DMXL1: variants seen among roughly 807,000 people sequenced by gnomAD.
DMXL1 encodes the protein Dmx like 1, also known as dmX-like protein 1.
A neutral mutation model predicts 319.2 loss-of-function variants in DMXL1; 99 were observed. That is an observed-to-expected ratio of 0.31 (90% confidence interval 0.26 to 0.37). The LOEUF is 0.37. DMXL1 is among the 10% of genes least tolerant of loss of function. The probability of loss-of-function intolerance (pLI) is 1.00; values close to 1 mark genes in which losing one functional copy is unlikely to be tolerated. For synonymous variants in DMXL1, 1,385 were observed against 1,235.2 expected (o/e 1.12, Z -2.54); for missense variants, 3,745 against 3,595.6 (o/e 1.04, Z -1.06).
chr5:119,078,061 G>A (rs1313610889), intron 1 of DMXL1, among the ~76,000 whole-genome samples: 1 of 151,870 alleles, frequency 6.6e-6, no homozygotes, highest in Non-Finnish European at 1.5e-5. Context: ...TTAAAATCAG[G>A]TAGACGGATT....
At position 119,244,682 on chromosome 5, in the gene DMXL1, T is replaced by C. The variant is rs990269795; in HGVS notation, c.8922+106T>C. ...TCTATTTAAATAATAGTTATATTAA[T>C]TCCTTTGTAGTCAGCAGTGCTAATT... On this transcript the variant is annotated intron_variant, in intron 43 of 43. Transcript: ENST00000539542. The C allele has an allele frequency of 3.9e-6, 3 of 770,804 alleles. No individual in the cohort carries two copies. The African/African-American group carries it at 5.3e-5, about 14-fold the overall frequency. The allele number at this position is 770,804 out of a possible 1,614,324, so 47.7% of individuals were successfully genotyped here. A position where few individuals can be genotyped will look rare whatever the true frequency, so the allele number is the denominator to read the frequency against.
chr5:119,114,811 GC>G (rs1760469468), intron 6 of DMXL1, among the ~76,000 whole-genome samples: 1 of 152,064 alleles, frequency 6.6e-6, no homozygotes. Flanking sequence ...TGGGACTATA[GC>G]CCCACACCAC....
intron 19 of DMXL1, among the ~76,000 whole-genome samples, chr5:119,160,005 CCT>C (rs1277996388): frequency 2.0e-5 from 3 of 151,928 alleles, no homozygotes; most frequent in African/African-American, 4.8e-5. Context: ...GTTTTTTTCC[CCT>C]GTCATTTTTC....
chr5:119,154,966 T>C (rs1329536108), intron 19 of DMXL1, among the ~76,000 whole-genome samples: 3 of 152,264 alleles, frequency 2.0e-5, no homozygotes, highest in Non-Finnish European at 2.9e-5. Flanking sequence ...GCCTGCGCTC[T>C]ACACATGGAA....
At chr5:119,111,336 T>A (rs1759546363) in intron 5 of DMXL1, among the ~76,000 whole-genome samples, 1 of 152,238 alleles carries the variant, frequency 6.6e-6, no homozygotes, top group Non-Finnish European at 1.5e-5. Flanking sequence ...TGAGATGTGC[T>A]GGACTTCAAA....
At chr5:119,141,512 A>G (rs1767335560) in intron 13 of DMXL1, among the ~76,000 whole-genome samples, 1 of 152,180 alleles carries the variant, frequency 6.6e-6, no homozygotes, top group African/African-American at 2.4e-5. Context: ...ACTGCCACAA[A>G]AAGAATAAAA....
intron 38 of DMXL1, among the ~76,000 whole-genome samples, chr5:119,228,309 C>T (rs1449600058): frequency 6.6e-6 from 1 of 152,158 alleles, no homozygotes; most frequent in Non-Finnish European, 1.5e-5. Context: ...CAGTGAAGAT[C>T]AGGAGAAACA....
In DMXL1 at chr5:119,203,807, T is replaced by A. The variant is rs546159938; in HGVS notation, c.7863+371T>A. ...GAAGTTTAATTGTATACTGAAAATT[T>A]TTTATTTATTTATTTATTTATTTTT... On this transcript the variant is annotated intron_variant, in intron 33 of 43. Coordinates refer to ENST00000539542, the MANE Select transcript of DMXL1 (RefSeq NM_001290321.3). Among the ~76,000 whole-genome samples the A allele has an allele frequency of 2.9e-3, 447 of 152,104 alleles. 3 individuals are homozygous for A. The highest frequency in any genetic ancestry group is 9.8e-3 in the African/African-American group (408 of 41,520).
At chr5:119,095,415 G>T (rs181492888) in intron 1 of DMXL1, among the ~76,000 whole-genome samples, 1 of 152,170 alleles carries the variant, frequency 6.6e-6, no homozygotes, top group Admixed American at 6.5e-5. Context: ...TGTAATATTT[G>T]TATTAAGTAG....
At chr5:119,134,501 T>C (rs1765572585) in intron 13 of DMXL1, 112 bp downstream of exon 13, 1 of 938,154 alleles carries the variant, frequency 1.1e-6, no homozygotes, top group Non-Finnish European at 1.5e-6. Context: ...TAAGCATTTG[T>C]ATCTTTGTTT....
At chr5:119,219,632 A>G (rs549649982) in intron 35 of DMXL1, among the ~76,000 whole-genome samples, 277 of 151,984 alleles carry the variant, frequency 1.8e-3, no homozygotes, top group African/African-American at 6.4e-3. Context: ...CTGTGGTGCA[A>G]TGTCAGCTCA....
intron 37 of DMXL1, among the ~76,000 whole-genome samples, chr5:119,222,230 T>C (rs1784773079): frequency 6.6e-6 from 1 of 152,180 alleles, no homozygotes; most frequent in African/African-American, 2.4e-5. Context: ...CAGATGAAGC[T>C]TGAGATCCAA....
chr5:119,202,085 ATT>A (rs1277187158), intron 32 of DMXL1, among the ~76,000 whole-genome samples: 1 of 151,732 alleles, frequency 6.6e-6, no homozygotes, highest in Non-Finnish European at 1.5e-5. Context: ...CAGCTTTGAT[ATT>A]TGTTATTTTT....
intron 39 of DMXL1, chr5:119,236,176 G>T (rs1787721052): frequency 6.6e-6 from 1 of 152,152 alleles, no homozygotes; most frequent in African/African-American, 2.4e-5. Context: ...CAAATAAATT[G>T]AGACTTATTC....
chr5:119,114,410 G>A (rs981405677), intron 5 of DMXL1, 65 bp from the exon 6 acceptor site: 26 of 1,136,412 alleles, frequency 2.3e-5, no homozygotes, highest in Non-Finnish European at 3.0e-5. Flanking sequence ...TTATAATTTT[G>A]AGAATATTGA....
At chr5:119,126,751 G>C (rs1763671019) in intron 9 of DMXL1, 1 of 154,282 alleles carries the variant, frequency 6.5e-6, no homozygotes, top group Admixed American at 6.5e-5. Context: ...GGTCAATAGA[G>C]ATTTTGAAAG....
Position 119,191,149 on chromosome 5 carries a change from T to C in DMXL1, c.7314+1263T>C, listed in dbSNP as rs1778635927. ...ACAAAACATTTGTAACTTTTCCCAT[T>C]GATTATTATTGCTCTGTATAGTTTA... is the stretch of plus-strand genomic sequence containing the variant. On this transcript the variant is annotated intron_variant, in intron 29 of 43. Coordinates refer to ENST00000539542, the MANE Select transcript of DMXL1 (RefSeq NM_001290321.3). Among the ~76,000 whole-genome samples the C allele has an allele frequency of 2.0e-5, 3 of 152,222 alleles. No homozygotes were observed. In the South Asian group the frequency reaches 6.2e-4, roughly 31 times the overall value.
chr5:119,126,167 C>T (rs981509320), intron 9 of DMXL1, among the ~76,000 whole-genome samples: 2 of 152,100 alleles, frequency 1.3e-5, no homozygotes, highest in African/African-American at 4.8e-5. Flanking sequence ...CCTTTAATCC[C>T]AGCTACTTGG....
chr5:119,111,586 A>C (rs1485488478), intron 5 of DMXL1, among the ~76,000 whole-genome samples: 1 of 152,156 alleles, frequency 6.6e-6, no homozygotes, highest in Non-Finnish European at 1.5e-5. Flanking sequence ...AATGACACCC[A>C]AACTGGAAAT....
Sources: allele counts gnomAD v4.1 joint callset (sites outside exome capture counted in the v4.1 genomes callset), GRCh38; gene constraint gnomAD v4.1.1; transcripts MANE v1.5; gene names NCBI Gene and HGNC (gene_info 2026-07-23, HGNC 2026-07-21).